TRABD: variants seen among roughly 807,000 people sequenced by gnomAD.
TRABD encodes traB domain-containing protein.
In TRABD, 23 loss-of-function variants were observed where a neutral mutation model predicts 39.6. The observed-to-expected ratio is 0.58, with a 90% CI of 0.42 to 0.82. TRABD has a LOEUF of 0.82. Among genes scored for constraint, TRABD ranks in the 40% least tolerant of loss-of-function variants. The pLI, the probability that TRABD is intolerant of heterozygous loss-of-function variation, is 0.00. For synonymous variants in TRABD, 243 were observed against 232.1 expected (o/e 1.05, Z -0.43); for missense variants, 487 against 544.9 (o/e 0.89, Z 1.06).
At chr22:50,187,322 A>C (rs1363312063) in intron 1 of TRABD, among the ~76,000 whole-genome samples, 1 of 152,200 alleles carries the variant, frequency 6.6e-6, no homozygotes, top group African/African-American at 2.4e-5. Flanking sequence ...GCTCTGCCAC[A>C]CCTGCGTGAA....
At chr22:50,194,230 C>A (rs951208023) in intron 3 of TRABD, 110 bp from the exon 4 acceptor site, 5 of 1,375,470 alleles carry the variant, frequency 3.6e-6, no homozygotes, top group Non-Finnish European at 3.9e-6. Context: ...GTGCTCTGCA[C>A]CTGTTCAGTT....
chr22:50,189,614 C>T (rs749002285), intron 1 of TRABD, among the ~76,000 whole-genome samples: 6 of 152,262 alleles, frequency 3.9e-5, no homozygotes, highest in Non-Finnish European at 8.8e-5. Flanking sequence ...GAGGGGCAGC[C>T]AGGGTCTGCT....
At position 50,198,292 on chromosome 22, in the gene TRABD, G is replaced by T. The variant is rs916352720; in HGVS notation, c.957-53G>T. On this transcript the variant is annotated intron_variant, in intron 9 of 9. Coordinates refer to ENST00000380909, the MANE Select transcript of TRABD (RefSeq NM_001320485.2). This position sits in a 1 kb window ranked among gnomAD's most constrained non-coding sequence, Gnocchi z 7.9. Reference sequence around the variant, plus strand: ...CGGCAGTGACCCAGGCATGGGGGCTGGGGTATGGGGAGCCCACCCCCAGCC... The same window carrying T: ...CGGCAGTGACCCAGGCATGGGGGCTTGGGTATGGGGAGCCCACCCCCAGCC... 5.9e-5 allele frequency: 89 copies of T among 1,508,402 alleles called. No homozygotes were observed. Among genetic ancestry groups the T allele is most frequent in the Non-Finnish European group, 8.0e-5 (89 of 1,113,096 alleles). 93.4% of individuals were successfully genotyped at this position (1,508,402 alleles called of 1,614,324 possible).
chr22:50,196,555 G>A (rs2064115249), intron 5 of TRABD, among the ~76,000 whole-genome samples: 1 of 152,214 alleles, frequency 6.6e-6, no homozygotes, highest in African/African-American at 2.4e-5. Flanking sequence ...GGGTGGCCTG[G>A]TGTCCGCACC....
In TRABD at chr22:50,194,980, C is replaced by T; in HGVS notation, c.360C>T (p.Ser120=). 1 of 1,611,398 alleles carries T rather than the reference C, an allele frequency of 6.2e-7. No individual in the cohort carries two copies. The highest frequency in any genetic ancestry group is 2.2e-5 in the East Asian group (1 of 44,892). ...TGTCCATGCTGAAGATGGACGAGAG[C>T]ACGCTGCTGCGGGAGGCCCAGGAGC... ...YRVSMLKMDE[S]TLLREAQELS... The change falls in exon 5 of 10, where the codon AGC becomes AGT. Residue 120 remains serine (S), a synonymous_variant. Coordinates refer to ENST00000380909, the MANE Select transcript of TRABD (RefSeq NM_001320485.2).
intron 1 of TRABD, among the ~76,000 whole-genome samples, chr22:50,190,340 G>A (rs1351520825): frequency 1.3e-5 from 2 of 152,172 alleles, no homozygotes; most frequent in African/African-American, 2.4e-5. Context: ...ACCTGTGCAC[G>A]CCCACCCCAT....
intron 1 of TRABD, among the ~76,000 whole-genome samples, chr22:50,187,349 C>T (rs895617035): frequency 6.6e-6 from 1 of 152,200 alleles, no homozygotes; most frequent in Admixed American, 6.5e-5. Flanking sequence ...CCGCCAAAGC[C>T]GGGAGGGGTT....
At chr22:50,188,541 G>C (rs1244049258) in intron 1 of TRABD, among the ~76,000 whole-genome samples, 1 of 152,212 alleles carries the variant, frequency 6.6e-6, no homozygotes, top group African/African-American at 2.4e-5. Context: ...GGCCCCCGCG[G>C]CGTCCTTACC....
Position 50,195,055 on chromosome 22 carries a change from G to C in TRABD, c.420+15G>C. On this transcript the variant is annotated intron_variant, in intron 5 of 9. Transcript: ENST00000380909. Reference sequence around the variant, plus strand: ...CCGTGAGGCAGGTGCGCAGCCGCGGGCAAGGGTCAGGGTCAGGGTCGGGGT... The same window carrying C: ...CCGTGAGGCAGGTGCGCAGCCGCGGCCAAGGGTCAGGGTCAGGGTCGGGGT... 1 of 1,567,048 alleles carries C rather than the reference G, an allele frequency of 6.4e-7. No individual in the cohort carries two copies. The highest frequency in any genetic ancestry group is 8.6e-7 in the Non-Finnish European group (1 of 1,162,874).
intron 1 of TRABD, among the ~76,000 whole-genome samples, chr22:50,189,647 C>T (rs542921975): frequency 1.4e-4 from 22 of 152,322 alleles, no homozygotes; most frequent in Admixed American, 4.6e-4. Context: ...TGGGCCTGAG[C>T]GTATCTGAAA....
chr22:50,197,526 GCT>G lies in TRABD; in HGVS notation c.613_614del (p.Ser205LeufsTer22). 6.2e-7 allele frequency: 1 copy of G among 1,613,696 alleles called. No individual in the cohort carries two copies. Among genetic ancestry groups the G allele is most frequent in the South Asian group, 1.1e-5 (1 of 91,086 alleles). On this transcript the variant is annotated frameshift_variant, in exon 7 of 10. Transcript: ENST00000380909. LOFTEE classifies it high-confidence loss of function. ...PVTFKRAIAA[L>X]SFWQKVRLAW... ...TCACCTTCAAGAGGGCCATCGCAGC[GCT>G]CTCCTTCTGGCAGAAGGTCAGGCTG...
intron 1 of TRABD, among the ~76,000 whole-genome samples, chr22:50,189,384 A>G (rs1232285711): frequency 6.6e-6 from 1 of 152,090 alleles, no homozygotes; most frequent in African/African-American, 2.4e-5. Flanking sequence ...ATGTCCCACA[A>G]ATCGTGTTCA....
At position 50,194,367 on chromosome 22, in the gene TRABD, T is replaced by C. The variant is rs776846978; in HGVS notation, c.140T>C (p.Leu47Pro). 7 of 1,612,906 alleles carry C rather than the reference T, an allele frequency of 4.3e-6. No individual in the cohort carries two copies. The highest frequency in any genetic ancestry group is 5.9e-6 in the Non-Finnish European group (7 of 1,179,796). ...LSDVDAFNLL[L>P]EMKLKRRRQR... The stretch of plus-strand genomic sequence containing the variant: ...GACGTGGACGCCTTCAACCTGCTCC[T>C]GGAGATGAAGCTGAAGCGGCGGCGT... Residue 47 changes from leucine to proline, a missense_variant, in exon 4 of 10, where the codon CTG (leucine) becomes CCG (proline). Physicochemically the swap from Leu to Pro is moderately conservative, Grantham distance 98. Transcript: ENST00000380909.
intron 3 of TRABD, among the ~76,000 whole-genome samples, chr22:50,194,096 G>A (rs916880913): frequency 6.6e-6 from 1 of 152,210 alleles, no homozygotes; most frequent in Non-Finnish European, 1.5e-5. Flanking sequence ...CTCATGGGGT[G>A]TATGGGGCAC....
intron 1 of TRABD, among the ~76,000 whole-genome samples, chr22:50,187,403 G>C (rs1374192742): frequency 6.6e-6 from 1 of 152,234 alleles, no homozygotes; most frequent in Non-Finnish European, 1.5e-5. Flanking sequence ...GGAAGCAGGG[G>C]AGGTCAAAGC....
chr22:50,194,816 G>T, intron 4 of TRABD, 84 bp from the exon 5 acceptor site: 2 of 1,543,846 alleles, frequency 1.3e-6, no homozygotes, highest in Admixed American at 3.8e-5. Flanking sequence ...CTGCTCCTGG[G>T]ATGGGGCCCC....
intron 3 of TRABD, among the ~76,000 whole-genome samples, chr22:50,194,119 G>A (rs1457649432): frequency 6.6e-6 from 1 of 152,228 alleles, no homozygotes; most frequent in East Asian, 1.9e-4. Context: ...GACTCCTGAG[G>A]CCCTGGCTTC....
intron 1 of TRABD, among the ~76,000 whole-genome samples, chr22:50,190,827 T>C (rs2063883883): frequency 6.6e-6 from 1 of 152,170 alleles, no homozygotes; most frequent in African/African-American, 2.4e-5. Flanking sequence ...ATCGTGGAGC[T>C]TTCACCTACA....
intron 2 of TRABD, 129 bp downstream of exon 2, chr22:50,193,222 C>G: frequency 2.5e-6 from 3 of 1,186,324 alleles, no homozygotes; most frequent in African/African-American, 3.1e-5. Flanking sequence ...CAGGGTCAGG[C>G]AGGAGGCACC....
Sources: gnomAD v4.1 joint callset for allele counts (sites outside exome capture counted in the v4.1 genomes callset) on GRCh38, gnomAD v4.1.1 for gene constraint, Gnocchi (gnomAD v3.1) non-coding constraint, MANE v1.5 for transcripts, NCBI Gene and HGNC (gene_info 2026-07-23, HGNC 2026-07-21) for gene names.